The following CCSER1 variants were observed in gnomAD, a reference collection of about 807,000 sequenced individuals.
The protein encoded by CCSER1 is coiled-coil serine rich protein 1, also known as serine-rich coiled-coil domain-containing protein 1.
CCSER1 carries 41 observed loss-of-function variants against 82.0 expected under a neutral mutation model. That is an observed-to-expected ratio of 0.50 (90% CI 0.39 to 0.65). The LOEUF is 0.65. Among genes scored for constraint, CCSER1 ranks in the 30% least tolerant of loss-of-function variants. The probability of loss-of-function intolerance (pLI) is 0.00; values close to 1 mark genes in which losing one functional copy is unlikely to be tolerated. For missense variants in CCSER1, 1,119 were observed against 1,064.2 expected, an observed-to-expected ratio of 1.05 and a Z score of -0.72; for synonymous variants, 414 against 383.9, an observed-to-expected ratio of 1.08 and a Z score of -0.92.
intron 7 of CCSER1, among the ~76,000 whole-genome samples, chr4:90,749,333 AG>A (rs1219215348): frequency 2.0e-5 from 3 of 151,782 alleles, no homozygotes; most frequent in Non-Finnish European, 2.9e-5. Flanking sequence ...GGTTTGTCAA[AG>A]ATCAGATAGT....
intron 5 of CCSER1, among the ~76,000 whole-genome samples, chr4:90,555,050 T>C (rs969756010): frequency 2.6e-5 from 4 of 152,188 alleles, no homozygotes; most frequent in Non-Finnish European, 5.9e-5. Flanking sequence ...CTAATTACCA[T>C]GTTCTCAGTG....
chr4:90,789,140 ACT>A lies in CCSER1; in HGVS notation c.2011-26617_2011-26616del, dbSNP rs1346021364. ...CTTTTTACTTTCAGTTTATTTCTGA[ACT>A]CTCTGTAATCTGGACTCTGCTTCCA... On this transcript the variant is annotated intron_variant, in intron 7 of 10. Transcript: ENST00000509176. 2.0e-5 allele frequency among the ~76,000 whole-genome samples: 3 copies of A among 151,754 alleles called. No individual in the cohort carries two copies. In the East Asian group the frequency reaches 5.8e-4, roughly 29 times the overall value.
rs564955328 is a variant in CCSER1, at chr4:90,878,593, A to T, written c.2095-44777A>T. 2.0e-5 allele frequency among the ~76,000 whole-genome samples: 3 copies of T among 152,222 alleles called. No individual in the cohort carries two copies. The South Asian group carries it at 6.2e-4, about 32-fold the overall frequency. On this transcript the variant is annotated intron_variant, in intron 8 of 10. Transcript: ENST00000509176. ...CAAAATGAGAGCTCCATGTTGCTAT[A>T]TGTTCTCATACCCCTACCCTGAAAA...
At chr4:91,178,485 G>A (rs149207752) in intron 10 of CCSER1, among the ~76,000 whole-genome samples, 4,661 of 152,060 alleles carry the variant, frequency 0.031, 220 homozygotes, top group African/African-American at 0.1. Context: ...TATGAATCTG[G>A]GTGCTCCTGT....
chr4:91,440,903 T>C (rs983759538), intron 10 of CCSER1, among the ~76,000 whole-genome samples: 3 of 151,952 alleles, frequency 2.0e-5, no homozygotes, highest in Middle Eastern at 6.3e-3. Context: ...ACATACACCC[T>C]CCCAAGACTA....
intron 10 of CCSER1, among the ~76,000 whole-genome samples, chr4:91,287,350 T>C (rs1056910139): frequency 6.6e-6 from 1 of 151,968 alleles, no homozygotes; most frequent in Non-Finnish European, 1.5e-5. Flanking sequence ...TTTCAATTAA[T>C]CAGTTTATTT....
intron 9 of CCSER1, among the ~76,000 whole-genome samples, chr4:91,046,949 C>A (rs1479441986): frequency 5.3e-5 from 8 of 152,086 alleles, no homozygotes; most frequent in East Asian, 1.9e-4. Flanking sequence ...ATCTCCTGAT[C>A]ATGTGATCTA....
At chr4:91,321,269 G>C (rs1746175960) in intron 10 of CCSER1, among the ~76,000 whole-genome samples, 1 of 151,920 alleles carries the variant, frequency 6.6e-6, no homozygotes, top group African/African-American at 2.4e-5. Context: ...TATCTGTTTT[G>C]GTGAATTACA....
At chr4:91,156,273 C>A (rs546184913) in intron 10 of CCSER1, among the ~76,000 whole-genome samples, 1 of 151,540 alleles carries the variant, frequency 6.6e-6, no homozygotes, top group Non-Finnish European at 1.5e-5. Flanking sequence ...ATGAAATAAT[C>A]CTTGGACTTT....
chr4:90,223,023 G>T (rs186036488), intron 1 of CCSER1, among the ~76,000 whole-genome samples: 1 of 152,026 alleles, frequency 6.6e-6, no homozygotes, highest in African/African-American at 2.4e-5. Context: ...ATAGGTTCAC[G>T]CATCCATCAC....
At chr4:90,306,282 T>C (rs1221100470) in intron 1 of CCSER1, among the ~76,000 whole-genome samples, 1 of 152,148 alleles carries the variant, frequency 6.6e-6, no homozygotes, top group African/African-American at 2.4e-5. Context: ...TTCGACAGCA[T>C]GGTGACTATA....
At chr4:90,957,852 G>A (rs1161822580) in intron 9 of CCSER1, among the ~76,000 whole-genome samples, 2 of 151,034 alleles carry the variant, frequency 1.3e-5, no homozygotes, top group Non-Finnish European at 1.5e-5. Context: ...ATCACATATT[G>A]ACATAAAATG....
intron 10 of CCSER1, among the ~76,000 whole-genome samples, chr4:91,215,030 ATTGTT>A: frequency 6.6e-6 from 1 of 152,022 alleles, no homozygotes. Flanking sequence ...TAAGGGATCT[ATTGTT>A]TTTTCTTTAA....
chr4:90,251,144 A>T (rs1233506628), intron 1 of CCSER1, among the ~76,000 whole-genome samples: 8 of 151,962 alleles, frequency 5.3e-5, no homozygotes, highest in Non-Finnish European at 1.2e-4. Flanking sequence ...TCATAAGATC[A>T]TTCCCTTTGC....
rs1238465260 is a variant in CCSER1, at chr4:90,620,266, A to G, written c.1725-7759A>G. Among the ~76,000 whole-genome samples the G allele has an allele frequency of 3.9e-5, 6 of 152,156 alleles. No homozygotes were observed. In the East Asian group the frequency reaches 1.2e-3, roughly 29 times the overall value. ...CAAGTGTATTTAAAAATGTAACCCT[A>G]TTAAGAGATGATACAATATGGTAAA... On this transcript the variant is annotated intron_variant, in intron 5 of 10. Coordinates refer to ENST00000509176, the MANE Select transcript of CCSER1 (RefSeq NM_001145065.2).
chr4:91,150,734 G>A (rs923725715), intron 10 of CCSER1, among the ~76,000 whole-genome samples: 1 of 151,388 alleles, frequency 6.6e-6, no homozygotes, highest in Non-Finnish European at 1.5e-5. Context: ...GCATCATGTG[G>A]TTTTTGTCTT....
intron 3 of CCSER1, among the ~76,000 whole-genome samples, chr4:90,326,087 C>G (rs1738137109): frequency 8.8e-6 from 1 of 113,716 alleles, no homozygotes. Context: ...GAGACGGAAT[C>G]TCACTCTTTC....
In CCSER1 at chr4:91,560,792, A is replaced by C. The variant is rs1279604171; in HGVS notation, c.2218-37780A>C. On this transcript the variant is annotated intron_variant, in intron 10 of 10. Coordinates refer to ENST00000509176, the MANE Select transcript of CCSER1 (RefSeq NM_001145065.2). ...AGCTTCTCAAGTGCTTTTCTTTTCC[A>C]GTAGTTTATTATGCTCAGATTACTT... is the stretch of plus-strand genomic sequence containing the variant. 6.6e-5 allele frequency among the ~76,000 whole-genome samples: 10 copies of C among 151,354 alleles called. No individual in the cohort carries two copies. In the Admixed American group the frequency reaches 6.6e-4, roughly 10 times the overall value.
At chr4:90,735,187 C>T (rs539875083) in intron 7 of CCSER1, among the ~76,000 whole-genome samples, 7 of 151,974 alleles carry the variant, frequency 4.6e-5, no homozygotes, top group Non-Finnish European at 7.4e-5. Context: ...CTGGTCATGA[C>T]GAATGATCTT....
Sources: gnomAD v4.1 joint callset for allele counts (sites outside exome capture counted in the v4.1 genomes callset) on GRCh38, gnomAD v4.1.1 for gene constraint, MANE v1.5 for transcripts, NCBI Gene and HGNC (gene_info 2026-07-23, HGNC 2026-07-21) for gene names.